The following PRKG1 variants were observed in gnomAD, a reference collection of about 807,000 sequenced individuals.
The protein encoded by PRKG1 is cGMP-dependent protein kinase 1.
Under a neutral mutation model 88.1 loss-of-function variants are expected in PRKG1, and 35 were observed. The observed-to-expected ratio is 0.40, with a 90% CI of 0.30 to 0.53. The LOEUF is 0.53. Among genes scored for constraint, PRKG1 ranks in the 20% least tolerant of loss-of-function variants. PRKG1 has a pLI of 0.59. For synonymous variants in PRKG1, 303 were observed against 292.5 expected, an observed-to-expected ratio of 1.04 and a Z score of -0.37; for missense variants, 540 against 839.8, an observed-to-expected ratio of 0.64 and a Z score of 4.41.
chr10:51,231,225 A>G (rs1328200860), intron 2 of PRKG1, among the ~76,000 whole-genome samples: 2 of 152,202 alleles, frequency 1.3e-5, no homozygotes, highest in Non-Finnish European at 2.9e-5. Context: ...TTACTTTCTT[A>G]CTAAAGTTGT....
At chr10:51,966,907 A>G (rs1260370457) in intron 5 of PRKG1, among the ~76,000 whole-genome samples, 1 of 152,162 alleles carries the variant, frequency 6.6e-6, no homozygotes, top group East Asian at 1.9e-4. Flanking sequence ...AAGTCAGGAA[A>G]CAACAGGTGC....
intron 3 of PRKG1, among the ~76,000 whole-genome samples, chr10:51,650,511 T>A (rs532714949): frequency 3.9e-5 from 6 of 152,248 alleles, no homozygotes; most frequent in African/African-American, 1.2e-4. Context: ...GTTCTTAGAG[T>A]ATTAAAGAAT....
intron 5 of PRKG1, among the ~76,000 whole-genome samples, chr10:52,027,778 TTTATTA>T (rs374863850): frequency 6.6e-6 from 1 of 151,722 alleles, no homozygotes; most frequent in East Asian, 1.9e-4. Context: ...CTGTTCTATC[TTTATTA>T]TTATTATTAT....
chr10:51,724,632 C>G (rs1842088070), intron 3 of PRKG1, among the ~76,000 whole-genome samples: 1 of 152,130 alleles, frequency 6.6e-6, no homozygotes, highest in African/African-American at 2.4e-5. Context: ...TTAAGTGATC[C>G]TCTTGCTGTG....
In PRKG1 at chr10:51,561,050, C is replaced by T. The variant is rs187591078; in HGVS notation, c.592+93214C>T. On this transcript the variant is annotated intron_variant, in intron 3 of 17. Coordinates refer to ENST00000373980, the MANE Select transcript of PRKG1 (RefSeq NM_006258.4). ...TTTCTTGAGCCCAGGAGTTTGAGAA[C>T]AGCTTGGGTAACATAGTGAGACCCT... is the stretch of plus-strand genomic sequence containing the variant. Among the ~76,000 whole-genome samples the T allele has an allele frequency of 5.8e-4, 88 of 151,118 alleles. 1 individual carries two copies. The highest frequency in any genetic ancestry group is 2.1e-3 in the South Asian group (10 of 4,746).
intron 2 of PRKG1, among the ~76,000 whole-genome samples, chr10:51,457,483 C>T (rs896397055): frequency 6.6e-6 from 1 of 152,144 alleles, no homozygotes; most frequent in African/African-American, 2.4e-5. Context: ...GTGTACGCTG[C>T]TCAGGTGATG....
At chr10:51,054,542 A>G (rs1176583734) in intron 1 of PRKG1, among the ~76,000 whole-genome samples, 2 of 152,188 alleles carry the variant, frequency 1.3e-5, no homozygotes, top group Non-Finnish European at 2.9e-5. Context: ...AATGGAGCTA[A>G]GTCCACATTA....
chr10:51,684,776 A>C (rs1840943251), intron 3 of PRKG1, among the ~76,000 whole-genome samples: 1 of 152,108 alleles, frequency 6.6e-6, no homozygotes, highest in African/African-American at 2.4e-5. Context: ...CTGAGGTGGG[A>C]GGATCGCTTG....
At chr10:51,784,039 A>G (rs1486766376) in intron 3 of PRKG1, among the ~76,000 whole-genome samples, 2 of 151,944 alleles carry the variant, frequency 1.3e-5, no homozygotes, top group South Asian at 2.1e-4. Context: ...ATTTCATTAT[A>G]TTTGGTTGCT....
intron 3 of PRKG1, among the ~76,000 whole-genome samples, chr10:51,560,644 T>A (rs1434561489): frequency 6.6e-6 from 1 of 152,108 alleles, no homozygotes; most frequent in South Asian, 2.1e-4. Context: ...TTTAATTAAC[T>A]GAAGTTCAGT....
At chr10:52,020,004 ATATAT>A (rs1379162188) in intron 5 of PRKG1, among the ~76,000 whole-genome samples, 1 of 152,062 alleles carries the variant, frequency 6.6e-6, no homozygotes, top group African/African-American at 2.4e-5. Flanking sequence ...AATAATCTTA[ATATAT>A]TGTATTTACT....
At chr10:52,189,923 A>C (rs370531763) in intron 9 of PRKG1, among the ~76,000 whole-genome samples, 42 of 152,236 alleles carry the variant, frequency 2.8e-4, no homozygotes, top group African/African-American at 9.2e-4. Context: ...TCTCATTTAT[A>C]TCCTTAAGCT....
At chr10:51,559,915 C>A (rs1455315107) in intron 3 of PRKG1, among the ~76,000 whole-genome samples, 1 of 151,950 alleles carries the variant, frequency 6.6e-6, no homozygotes, top group African/African-American at 2.4e-5. Context: ...GATAAATAAC[C>A]AAAAGTATCC....
chr10:52,011,992 G>A (rs1266940833), intron 5 of PRKG1, among the ~76,000 whole-genome samples: 2 of 152,088 alleles, frequency 1.3e-5, no homozygotes, highest in African/African-American at 2.4e-5. Context: ...CCGGCCATGT[G>A]GAACTGTAAG....
chr10:51,502,430 T>C (rs1343804907), intron 3 of PRKG1, among the ~76,000 whole-genome samples: 2 of 152,180 alleles, frequency 1.3e-5, no homozygotes, highest in Non-Finnish European at 2.9e-5. Flanking sequence ...AACATTTTTC[T>C]GTCATTAGAG....
chr10:51,159,682 A>T (rs1185327297), intron 2 of PRKG1, among the ~76,000 whole-genome samples: 1 of 152,154 alleles, frequency 6.6e-6, no homozygotes, highest in African/African-American at 2.4e-5. Flanking sequence ...TTGGGGTGCC[A>T]TGCTTCAGAA....
chr10:51,931,099 G>A (rs554573569), intron 5 of PRKG1, among the ~76,000 whole-genome samples: 3 of 152,288 alleles, frequency 2.0e-5, no homozygotes, highest in South Asian at 2.1e-4. Context: ...TTGTGGCTAT[G>A]ATGTAAGTTT....
intron 1 of PRKG1, among the ~76,000 whole-genome samples, chr10:51,089,456 C>T (rs1042382430): frequency 6.6e-6 from 1 of 152,144 alleles, no homozygotes; most frequent in African/African-American, 2.4e-5. Flanking sequence ...CCATTAATCA[C>T]ATAAGGAAAT....
chr10:51,817,208 A>T (rs950780386), intron 4 of PRKG1, among the ~76,000 whole-genome samples: 9 of 151,836 alleles, frequency 5.9e-5, no homozygotes, highest in African/African-American at 1.7e-4. Flanking sequence ...TATTTTTTTT[A>T]AATTATACTT....
Sources: allele counts gnomAD v4.1 joint callset (sites outside exome capture counted in the v4.1 genomes callset), GRCh38; gene constraint gnomAD v4.1.1; transcripts MANE v1.5; gene names NCBI Gene and HGNC (gene_info 2026-07-23, HGNC 2026-07-21).